The following DOCK2 variants were observed in gnomAD, a reference collection of about 807,000 sequenced individuals.
DOCK2 encodes the protein dedicator of cytokinesis protein 2.
In DOCK2, 87 loss-of-function variants were observed where a neutral mutation model predicts 248.9. The ratio of observed to expected loss-of-function variants is 0.35; its 90% CI spans 0.29 to 0.42. DOCK2 has a LOEUF of 0.42. Among genes scored for constraint, DOCK2 ranks in the 10% least tolerant of loss-of-function variants. The pLI is 1.00. For missense variants in DOCK2, 1,747 were observed against 2,300.2 expected (o/e 0.76, Z 4.92); for synonymous variants, 805 against 821.6 (o/e 0.98, Z 0.35).
chr5:169,941,424 T>C (rs372274880), intron 27 of DOCK2, among the ~76,000 whole-genome samples: 23 of 152,220 alleles, frequency 1.5e-4, no homozygotes, highest in African/African-American at 5.5e-4. Flanking sequence ...TAGAGAGGCT[T>C]CTGTCTGAAG....
At chr5:169,768,107 G>C (rs1764894222) in intron 25 of DOCK2, among the ~76,000 whole-genome samples, 1 of 152,172 alleles carries the variant, frequency 6.6e-6, no homozygotes, top group Admixed American at 6.5e-5. Context: ...GAGCACAGTG[G>C]CTCTTAATGA....
At chr5:169,792,870 C>G (rs534178692) in intron 25 of DOCK2, among the ~76,000 whole-genome samples, 2 of 152,246 alleles carry the variant, frequency 1.3e-5, no homozygotes, top group South Asian at 4.1e-4. Context: ...TTCTAAGGAG[C>G]TGGATTGGCT....
In DOCK2 at chr5:169,996,097, G is replaced by C. The variant is rs765316029; in HGVS notation, c.3005G>C (p.Arg1002Thr). 2.5e-6 allele frequency: 4 copies of C among 1,613,882 alleles called. No individual in the cohort carries two copies. The highest frequency in any genetic ancestry group is 2.5e-6 in the Non-Finnish European group (3 of 1,179,910). ...MSMVQNRVFL[R>T]AINKFAETMN... Reference sequence around the variant, plus strand: ...CTGCCCTCTTCCAGGGTCTTCCTGAGAGCTATCAACAAGTTTGCAGAAACC... The same window carrying C: ...CTGCCCTCTTCCAGGGTCTTCCTGACAGCTATCAACAAGTTTGCAGAAACC... The change falls in exon 30 of 52, where the codon AGA becomes ACA. Residue 1002 changes from arginine (R) to threonine (T), a missense_variant. By Grantham distance (71) the Arg-to-Thr change is moderately conservative. This residue lies in a region of DOCK2 where 858 missense variants were observed against 1,183.5 expected (regional missense o/e 0.72). Coordinates refer to ENST00000520908, the MANE Select transcript of DOCK2 (RefSeq NM_004946.3).
intron 32 of DOCK2, among the ~76,000 whole-genome samples, chr5:170,011,041 G>A (rs150689805): frequency 1.3e-5 from 2 of 152,294 alleles, no homozygotes; most frequent in East Asian, 1.9e-4. Context: ...AGCTGGAAGG[G>A]CCCTTCAAAG....
At chr5:169,649,890 G>T (rs1295184103) in intron 1 of DOCK2, among the ~76,000 whole-genome samples, 1 of 151,158 alleles carries the variant, frequency 6.6e-6, no homozygotes, top group Non-Finnish European at 1.5e-5. Flanking sequence ...TGCAACCTCT[G>T]CCTCCCAGGT....
intron 22 of DOCK2, among the ~76,000 whole-genome samples, chr5:169,736,370 G>A (rs974131227): frequency 1.1e-4 from 16 of 152,130 alleles, no homozygotes; most frequent in African/African-American, 3.9e-4. Context: ...TTTGGGTCAG[G>A]GGCCTTCTTC....
chr5:170,046,771 C>T (rs1180011875), intron 39 of DOCK2, among the ~76,000 whole-genome samples: 1 of 148,376 alleles, frequency 6.7e-6, no homozygotes, highest in Non-Finnish European at 1.5e-5. Context: ...CACACACATA[C>T]ACACACACAC....
intron 35 of DOCK2, 24 bp downstream of exon 35, chr5:170,034,579 G>C (rs777496594): frequency 6.8e-6 from 11 of 1,613,182 alleles, no homozygotes; most frequent in Non-Finnish European, 9.3e-6. Context: ...GCGGGTCCAA[G>C]TCAGACCAGA....
Position 170,075,956 on chromosome 5 carries a change from T to C in DOCK2, c.4738T>C (p.Leu1580=). The C allele has an allele frequency of 1.2e-6, 2 of 1,614,100 alleles. No individual in the cohort carries two copies. Among genetic ancestry groups the C allele is most frequent in the South Asian group, 2.2e-5 (2 of 91,082 alleles). Residue 1580 remains leucine, a synonymous_variant, in exon 47 of 52, where the codon TTG becomes CTG. Transcript: ENST00000520908. ...KDLIAWQIPF[L]GAGIKIHEKR... is the part of the protein sequence containing the mutation. The stretch of plus-strand genomic sequence containing the variant: ...ACCACTTTCTCTCCAGATCCCCTTC[T>C]TGGGAGCTGGGATTAAGATCCATGA...
chr5:170,029,795 A>G (rs1756062782), intron 34 of DOCK2, among the ~76,000 whole-genome samples: 1 of 152,216 alleles, frequency 6.6e-6, no homozygotes, highest in African/African-American at 2.4e-5. Flanking sequence ...TTTTAAATTC[A>G]ATAAGAAAGG....
intron 27 of DOCK2, among the ~76,000 whole-genome samples, chr5:169,867,864 C>T (rs899029655): frequency 3.3e-5 from 5 of 152,126 alleles, no homozygotes; most frequent in Non-Finnish European, 7.4e-5. Context: ...GATTGAGAGC[C>T]TAGGCAACCC....
chr5:169,791,944 T>G (rs893035344), intron 25 of DOCK2, among the ~76,000 whole-genome samples: 9 of 152,220 alleles, frequency 5.9e-5, no homozygotes, highest in African/African-American at 2.2e-4. Context: ...TGACCCTGGC[T>G]GCTGAGAAGA....
intron 26 of DOCK2, among the ~76,000 whole-genome samples, chr5:169,816,196 G>A (rs1241468358): frequency 1.3e-5 from 2 of 152,108 alleles, no homozygotes; most frequent in African/African-American, 4.8e-5. Context: ...TTAAGTGAGG[G>A]AGGAGGCGCC....
chr5:170,005,067 TAAA>T (rs33958422), intron 30 of DOCK2, among the ~76,000 whole-genome samples: 55 of 137,986 alleles, frequency 4.0e-4, no homozygotes, highest in African/African-American at 1.3e-3. Flanking sequence ...TAAAGTATAA[TAAA>T]AAAAAAAAAA....
At chr5:169,847,087 C>T (rs573247751) in intron 27 of DOCK2, among the ~76,000 whole-genome samples, 2 of 152,290 alleles carry the variant, frequency 1.3e-5, no homozygotes, top group East Asian at 3.9e-4. Context: ...ACATTATCTA[C>T]TCATTAGCTG....
Position 169,684,177 on chromosome 5 carries a change from T to C in DOCK2, c.607-19T>C, listed in dbSNP as rs1759823815. 1 of 1,613,046 alleles carries C rather than the reference T, an allele frequency of 6.2e-7. No homozygotes were observed. ...GCTAATTTTCTCCATCTTCTTTCCT[T>C]CTTCCTTCTGCCTTTCAGTCAAAAG... On this transcript the variant is annotated intron_variant, in intron 7 of 51. Transcript: ENST00000520908.
intron 27 of DOCK2, among the ~76,000 whole-genome samples, chr5:169,897,198 T>C (rs1213229072): frequency 6.6e-6 from 1 of 152,010 alleles, no homozygotes; most frequent in African/African-American, 2.4e-5. Context: ...TGAGCTCTTT[T>C]TTTTTGAGAC....
intron 32 of DOCK2, 74 bp downstream of exon 32, chr5:170,008,820 G>C: frequency 6.4e-6 from 10 of 1,564,630 alleles, no homozygotes; most frequent in Non-Finnish European, 8.8e-6. Context: ...TCTGTTGGAG[G>C]GCCACAGGGG....
intron 22 of DOCK2, among the ~76,000 whole-genome samples, chr5:169,735,419 C>A (rs1453106709): frequency 2.0e-5 from 3 of 152,128 alleles, no homozygotes; most frequent in African/African-American, 4.8e-5. Flanking sequence ...CTCCTTCTTA[C>A]CTAATTTTCT....
Sources: gnomAD v4.1 joint callset for allele counts (sites outside exome capture counted in the v4.1 genomes callset) on GRCh38, gnomAD v4.1.1 for gene constraint, gnomAD v4.1.1 regional missense constraint, MANE v1.5 for transcripts, NCBI Gene and HGNC (gene_info 2026-07-23, HGNC 2026-07-21) for gene names.